TMEM132C: variants seen among roughly 807,000 people sequenced by gnomAD.
The protein encoded by TMEM132C is transmembrane protein 132C, also known as protein phosphatase 1, regulatory subunit 152.
Under a neutral mutation model 61.4 loss-of-function variants are expected in TMEM132C, and 29 were observed. That is an observed-to-expected ratio of 0.47 (90% CI 0.35 to 0.64). The LOEUF (loss-of-function observed/expected upper bound fraction) is 0.64. Ranked by LOEUF, TMEM132C falls within the 30% of genes least tolerant of loss-of-function variation. TMEM132C has a pLI of 0.00. For missense variants in TMEM132C, 1,408 were observed against 1,476.9 expected (o/e 0.95, Z 0.76); for synonymous variants, 656 against 633.1 (o/e 1.04, Z -0.54).
At chr12:128,604,791 G>T (rs1876355931) in intron 3 of TMEM132C, among the ~76,000 whole-genome samples, 1 of 150,824 alleles carries the variant, frequency 6.6e-6, no homozygotes, top group Admixed American at 6.7e-5. Flanking sequence ...ATAATGAATA[G>T]ATAGTAGATA....
At chr12:128,567,104 C>T (rs1442410172) in intron 3 of TMEM132C, among the ~76,000 whole-genome samples, 2 of 152,052 alleles carry the variant, frequency 1.3e-5, no homozygotes, top group Non-Finnish European at 2.9e-5. Context: ...AGAAAACATC[C>T]CAACCCACTT....
intron 2 of TMEM132C, among the ~76,000 whole-genome samples, chr12:128,461,005 C>T (rs1870515730): frequency 6.6e-6 from 1 of 152,108 alleles, no homozygotes; most frequent in South Asian, 2.1e-4. Context: ...CCTGGGACTT[C>T]TTTGTGTTGT....
At chr12:128,340,134 A>G (rs1483815250) in intron 1 of TMEM132C, among the ~76,000 whole-genome samples, 1 of 152,214 alleles carries the variant, frequency 6.6e-6, no homozygotes, top group East Asian at 1.9e-4. Context: ...CTTGGCAAGG[A>G]CACGCTCTGT....
Position 128,604,096 on chromosome 12 carries a change from A to G in TMEM132C, c.1122-12056A>G, listed in dbSNP as rs549387540. 1.5e-3 allele frequency among the ~76,000 whole-genome samples: 222 copies of G among 152,340 alleles called. 3 individuals carry two copies. The highest frequency in any genetic ancestry group is 5.2e-3 in the African/African-American group (218 of 41,562). Reference sequence around the variant, plus strand: ...TCTCCCATCCAAAGCCTTTCCAGCAAGGAGCTTGTATGAGTCAGGGTTCCC... The same window carrying G: ...TCTCCCATCCAAAGCCTTTCCAGCAGGGAGCTTGTATGAGTCAGGGTTCCC... On this transcript the variant is annotated intron_variant, in intron 3 of 8. Coordinates refer to ENST00000435159, the MANE Select transcript of TMEM132C (RefSeq NM_001136103.3).
chr12:128,445,519 G>A (rs1458188), intron 2 of TMEM132C, among the ~76,000 whole-genome samples: 134,257 of 152,080 alleles, frequency 0.88, 59,391 homozygotes, highest in East Asian at 0.98. Context: ...TGGGGTGTCC[G>A]TGTGTCCAGC....
intron 2 of TMEM132C, among the ~76,000 whole-genome samples, chr12:128,423,015 T>C (rs576720352): frequency 1.7e-4 from 26 of 152,286 alleles, no homozygotes; most frequent in African/African-American, 5.1e-4. Flanking sequence ...TTCTTTGTCC[T>C]TTGCTGGGTG....
intron 2 of TMEM132C, among the ~76,000 whole-genome samples, chr12:128,527,973 C>T (rs1189919959): frequency 1.3e-5 from 2 of 152,098 alleles, no homozygotes; most frequent in East Asian, 3.9e-4. Flanking sequence ...AGAATCCACT[C>T]AATGAAGCTG....
chr12:128,665,375 GCACACA>G (rs34447670), intron 4 of TMEM132C, among the ~76,000 whole-genome samples: 3 of 131,184 alleles, frequency 2.3e-5, no homozygotes, highest in East Asian at 2.5e-4. Context: ...AAACACAGGT[GCACACA>G]CACACAGACA....
intron 1 of TMEM132C, among the ~76,000 whole-genome samples, chr12:128,280,611 TA>T (rs1389848193): frequency 6.6e-6 from 1 of 152,212 alleles, no homozygotes; most frequent in Non-Finnish European, 1.5e-5. Context: ...GGAAAGATAT[TA>T]TAATGAGGCA....
intron 1 of TMEM132C, among the ~76,000 whole-genome samples, chr12:128,364,469 G>A (rs1406781139): frequency 1.3e-5 from 2 of 152,298 alleles, no homozygotes; most frequent in Admixed American, 1.3e-4. Context: ...CATGCTGGGC[G>A]AAGCTCCACT....
In TMEM132C at chr12:128,509,848, C is replaced by T. The variant is rs536314316; in HGVS notation, c.975-34109C>T. Among the ~76,000 whole-genome samples the T allele has an allele frequency of 2.6e-5, 4 of 152,258 alleles. No individual in the cohort carries two copies. The East Asian group carries it at 7.7e-4, about 29-fold the overall frequency. The stretch of plus-strand genomic sequence containing the variant: ...AGCCTTTCTGTACCATGTCACAGGC[C>T]AGAGAACATCTTGTGGCTAAAAGGG... On this transcript the variant is annotated intron_variant, in intron 2 of 8. Coordinates refer to ENST00000435159, the MANE Select transcript of TMEM132C (RefSeq NM_001136103.3).
rs1474932533 is a variant in TMEM132C at position 128,543,999 on chromosome 12, C to T, written c.1017C>T (p.Thr339=). 1 of 1,549,132 alleles carries T rather than the reference C, an allele frequency of 6.5e-7. No homozygotes were observed. Among genetic ancestry groups the T allele is most frequent in the Non-Finnish European group, 8.7e-7 (1 of 1,145,958 alleles). Residue 339 remains threonine (T), a synonymous_variant, in exon 3 of 9, where the codon ACC becomes ACT. Coordinates refer to ENST00000435159, the MANE Select transcript of TMEM132C (RefSeq NM_001136103.3). The stretch of plus-strand genomic sequence containing the variant: ...GGGTGAACATCCTGAGTGCTCAGAC[C>T]CGTGAGCCCCGGCAGTGGGGCGTCA... ...KKGVNILSAQ[T]REPRQWGVKQ...
At chr12:128,543,332 ATCCTGCTCTTTCT>A (rs1395663212) in intron 2 of TMEM132C, among the ~76,000 whole-genome samples, 1 of 152,144 alleles carries the variant, frequency 6.6e-6, no homozygotes, top group East Asian at 1.9e-4. Flanking sequence ...AGCTACTATG[ATCCTGCTCTTTCT>A]TACAGAGGAG....
intron 1 of TMEM132C, among the ~76,000 whole-genome samples, chr12:128,295,775 A>T (rs1387716540): frequency 7.0e-6 from 1 of 143,712 alleles, no homozygotes. Context: ...GCACCAATTA[A>T]AAAAAAAAAA....
intron 3 of TMEM132C, among the ~76,000 whole-genome samples, chr12:128,601,717 G>A (rs1876198239): frequency 6.6e-6 from 1 of 150,694 alleles, no homozygotes; most frequent in South Asian, 2.1e-4. Context: ...GGGTAGGGAA[G>A]GGGATCAGTG....
Position 128,695,893 on chromosome 12 carries a change from A to T in TMEM132C, c.1719A>T (p.Gln573His). The T allele has an allele frequency of 1.3e-6, 2 of 1,551,518 alleles. No homozygotes were observed. Among genetic ancestry groups the T allele is most frequent in the Non-Finnish European group, 1.7e-6 (2 of 1,147,000 alleles). ...GGCGGGGCCGGGGCTGCGCACTGCA[A>T]TACCAGCACGCCACCGTGCGGGTCC... ...EERRGRGCAL[Q>H]YQHATVRVLT... is the part of the protein sequence containing the mutation. Residue 573 changes from glutamine to histidine, a missense_variant, in exon 7 of 9, where the codon CAA becomes CAT. Coordinates refer to ENST00000435159, the MANE Select transcript of TMEM132C (RefSeq NM_001136103.3).
chr12:128,341,452 T>C (rs907139719), intron 1 of TMEM132C, among the ~76,000 whole-genome samples: 2 of 152,228 alleles, frequency 1.3e-5, no homozygotes, highest in African/African-American at 2.4e-5. Flanking sequence ...TTTATTTTAC[T>C]CGAATGGATT....
At chr12:128,588,381 A>C (rs1398606577) in intron 3 of TMEM132C, among the ~76,000 whole-genome samples, 3 of 152,202 alleles carry the variant, frequency 2.0e-5, no homozygotes, top group African/African-American at 7.2e-5. Flanking sequence ...TCAGTGAGCC[A>C]AGATCACACC....
intron 2 of TMEM132C, among the ~76,000 whole-genome samples, chr12:128,450,916 G>T (rs1246950888): frequency 6.6e-6 from 1 of 152,024 alleles, no homozygotes; most frequent in African/African-American, 2.4e-5. Flanking sequence ...TCAAACCTTT[G>T]TGCAGCTGAG....
Sources: allele counts gnomAD v4.1 joint callset (sites outside exome capture counted in the v4.1 genomes callset), GRCh38; gene constraint gnomAD v4.1.1; transcripts MANE v1.5; gene names NCBI Gene and HGNC (gene_info 2026-07-23, HGNC 2026-07-21).